Variants in TFAP2A observed in about 807,000 individuals in gnomAD.
The protein encoded by TFAP2A is transcription factor AP-2-alpha.
A neutral mutation model predicts 41.5 loss-of-function variants in TFAP2A; 7 were observed. The observed-to-expected ratio is 0.17, with a 90% CI of 0.10 to 0.32. The LOEUF (loss-of-function observed/expected upper bound fraction) is 0.32. Ranked by LOEUF, TFAP2A falls within the 10% of genes least tolerant of loss-of-function variation. The pLI is 1.00. For synonymous variants in TFAP2A, 247 were observed against 242.8 expected (o/e 1.02, Z -0.16); for missense variants, 416 against 563.3 (o/e 0.74, Z 2.65).
At chr6:10,400,304 G>A in intron 6 of TFAP2A, 144 bp downstream of exon 6, 1 of 983,064 alleles carries the variant, frequency 1.0e-6, no homozygotes. Context: ...CCTTAACATA[G>A]ACTATATATA....
At chr6:10,405,678 A>C (rs1417465905) in intron 3 of TFAP2A, 1 of 152,208 alleles carries the variant, frequency 6.6e-6, no homozygotes, top group Non-Finnish European at 1.5e-5. Context: ...CCATTTAAGT[A>C]CAGTATGCAT....
At chr6:10,414,430 G>A (rs892595896) in intron 1 of TFAP2A, 60 of 252,812 alleles carry the variant, frequency 2.4e-4, no homozygotes, top group African/African-American at 1.3e-3. Context: ...AGCCGAGAAG[G>A]GAACCGCTTT....
rs983957270 is a variant in TFAP2A at position 10,411,755 on chromosome 6, G to T, written c.52-1420C>A. The T allele has an allele frequency of 2.4e-5, 36 of 1,490,820 alleles. No homozygotes were observed. In the Admixed American group the frequency reaches 6.4e-4, roughly 27 times the overall value. 92.3% of individuals were successfully genotyped at this position (1,490,820 alleles called of 1,614,324 possible). A position where few individuals can be genotyped will look rare whatever the true frequency, so the allele number is the denominator to read the frequency against. ...GGCGCCGACGCTCCCCGGAGCGCGG[G>T]AGCCCGGCTCGGATCCATCCGAACT... On this transcript the variant is annotated intron_variant, in intron 1 of 6. Transcript: ENST00000379613.
rs777637370 is a variant in TFAP2A at position 10,406,882 on chromosome 6, T to C, written c.487-38A>G. On this transcript the variant is annotated intron_variant, in intron 2 of 6. Coordinates refer to ENST00000379613, the MANE Select transcript of TFAP2A (RefSeq NM_001372066.1). ...GATACACATGGATGTAAGTGTATCA[T>C]CAAAACAAAAGGAAATGAATATTCC... 5 of 1,540,134 alleles carry C rather than the reference T, an allele frequency of 3.2e-6. No individual in the cohort carries two copies. In the African/African-American group the frequency reaches 4.1e-5, roughly 13 times the overall value.
At chr6:10,407,771 C>G (rs79532163) in intron 2 of TFAP2A, 267 of 152,304 alleles carry the variant, frequency 1.8e-3, no homozygotes, top group African/African-American at 6.2e-3. Context: ...TCCATTCTGT[C>G]TTGGATTTAT....
At chr6:10,405,009 T>G in intron 3 of TFAP2A, 2 of 549,218 alleles carry the variant, frequency 3.6e-6, no homozygotes, top group Non-Finnish European at 6.6e-6. Flanking sequence ...CCCTTCGCCG[T>G]CAAGGGTGCT....
rs1761866292 is a variant in TFAP2A at position 10,398,313 on chromosome 6, T to TAGC, written c.*101_*103dup. The TAGC allele has an allele frequency of 1.9e-6, 3 of 1,592,488 alleles. No homozygotes were observed. Among genetic ancestry groups the TAGC allele is most frequent in the South Asian group, 2.2e-5 (2 of 89,976 alleles). On this transcript the variant is annotated 3_prime_UTR_variant, in exon 7 of 7. Transcript: ENST00000379613. The surrounding 1 kb of genome is among the most constrained non-coding windows in gnomAD (Gnocchi z 5.3). Reference sequence around the variant, plus strand: ...GCGGCGGCGGCAGCAGCAGCAGCAGTAGCAGCAGCAGGAAGGGTTGCTGAT... The same window carrying TAGC: ...GCGGCGGCGGCAGCAGCAGCAGCAGTAGCAGCAGCAGCAGGAAGGGTTGCTGAT...
At chr6:10,415,329 T>C (rs1388620076), upstream of TFAP2A, 3 of 1,259,432 alleles carry the variant, frequency 2.4e-6, no homozygotes, top group African/African-American at 1.5e-5. Flanking sequence ...ATATCAACAA[T>C]AGTCCAATTG....
chr6:10,401,896 T>A (rs1366913315), intron 5 of TFAP2A: 1 of 215,302 alleles, frequency 4.6e-6, no homozygotes. Context: ...GGTGTATGTA[T>A]GTTTAAAGCT....
intron 4 of TFAP2A, among the ~76,000 whole-genome samples, chr6:10,403,605 G>C (rs1468788056): frequency 1.3e-5 from 2 of 150,214 alleles, no homozygotes; most frequent in Admixed American, 1.3e-4. Flanking sequence ...TATTATTAAA[G>C]AAGAGAAGAA....
intron 1 of TFAP2A, 87 bp from the exon 2 acceptor site, chr6:10,410,422 C>T (rs1009459983): frequency 6.6e-6 from 9 of 1,372,888 alleles, no homozygotes; most frequent in Middle Eastern, 2.5e-4. Context: ...GACAAGTCTG[C>T]GTGGGAAATC....
chr6:10,413,984 C>T (rs1241842009), intron 1 of TFAP2A, among the ~76,000 whole-genome samples: 1 of 152,232 alleles, frequency 6.6e-6, no homozygotes, highest in Non-Finnish European at 1.5e-5. Flanking sequence ...TGGTTGTAAC[C>T]GTTCCCAGCG....
intron 1 of TFAP2A, among the ~76,000 whole-genome samples, chr6:10,413,229 G>A (rs1561716799): frequency 6.6e-6 from 1 of 152,220 alleles, no homozygotes; most frequent in Non-Finnish European, 1.5e-5. Context: ...TGCCCACCAC[G>A]GCCAAAGTTG....
chr6:10,397,111 C>T lies in TFAP2A; in HGVS notation c.*1306G>A, dbSNP rs1437540491. The T allele has an allele frequency of 6.6e-6, 1 of 152,214 alleles. No homozygotes were observed. Among genetic ancestry groups the T allele is most frequent in the African/African-American group, 2.4e-5 (1 of 41,424 alleles). The allele number at this position is 152,214 out of a possible 1,614,324, so 9.4% of individuals were successfully genotyped here. On this transcript the variant is annotated 3_prime_UTR_variant, in exon 7 of 7. Transcript: ENST00000379613. ...TATGATACATTGACAGGCATGGAAA[C>T]TACTGCCAGCACAACTCAATACAAT...
intron 1 of TFAP2A, among the ~76,000 whole-genome samples, chr6:10,410,579 G>A (rs1459940683): frequency 2.0e-5 from 3 of 152,180 alleles, no homozygotes; most frequent in African/African-American, 7.2e-5. Flanking sequence ...TTCAAAGAGA[G>A]GAAAAGATAG....
chr6:10,410,264 G>A lies in TFAP2A; in HGVS notation c.123C>T (p.Tyr41=), dbSNP rs1757902251. 1.9e-6 allele frequency: 3 copies of A among 1,613,264 alleles called. No individual in the cohort carries two copies. Among genetic ancestry groups the A allele is most frequent in the African/African-American group, 1.3e-5 (1 of 74,818 alleles). Residue 41 remains tyrosine (Y), a synonymous_variant, in exon 2 of 7, where the codon TAC becomes TAT. Coordinates refer to ENST00000379613, the MANE Select transcript of TFAP2A (RefSeq NM_001372066.1). ...PQLGTVGQSP[Y]TSAPPLSHTP... The stretch of plus-strand genomic sequence containing the variant: ...TGTGGGACAGCGGCGGGGCGCTCGT[G>A]TAGGGAGATTGACCTACAGTGCCCA...
upstream of TFAP2A, chr6:10,419,565 A>C: frequency 7.5e-7 from 1 of 1,328,142 alleles, no homozygotes; most frequent in Non-Finnish European, 1.1e-6. Context: ...GCTCACCAAC[A>C]TCTCACCTGG....
At chr6:10,414,402 TG>T (rs969419140) in intron 1 of TFAP2A, among the ~76,000 whole-genome samples, 3 of 150,612 alleles carry the variant, frequency 2.0e-5, no homozygotes, top group African/African-American at 4.9e-5. Flanking sequence ...CAGCGAAGTG[TG>T]GGGGGGCCGT....
In TFAP2A at chr6:10,398,296, G is replaced by GGCAGCAGCAGCA; in HGVS notation, c.*109_*120dup. Reference sequence around the variant, plus strand: ...CAAGGGCAGCGGCGGCGGCGGCGGCGGCAGCAGCAGCAGCAGTAGCAGCAG... The same window carrying GGCAGCAGCAGCA: ...CAAGGGCAGCGGCGGCGGCGGCGGCGGCAGCAGCAGCAGCAGCAGCAGCAGCAGTAGCAGCAG... On this transcript the variant is annotated 3_prime_UTR_variant, in exon 7 of 7. Transcript: ENST00000379613. The surrounding 1 kb of genome is among the most constrained non-coding windows in gnomAD (Gnocchi z 5.3). 2 of 1,577,052 alleles carry GGCAGCAGCAGCA rather than the reference G, an allele frequency of 1.3e-6. No homozygotes were observed. Among genetic ancestry groups the GGCAGCAGCAGCA allele is most frequent in the Non-Finnish European group, 1.7e-6 (2 of 1,161,970 alleles).
Sources: allele counts gnomAD v4.1 joint callset (sites outside exome capture counted in the v4.1 genomes callset), GRCh38; gene constraint gnomAD v4.1.1; non-coding constraint Gnocchi (gnomAD v3.1); transcripts MANE v1.5; gene names NCBI Gene and HGNC (gene_info 2026-07-23, HGNC 2026-07-21).